Variants in FBXO41 observed in about 807,000 individuals in gnomAD.
FBXO41 encodes F-box protein 41.
A neutral mutation model predicts 81.6 loss-of-function variants in FBXO41; 33 were observed. The observed-to-expected ratio is 0.40, with a 90% CI of 0.31 to 0.54. The LOEUF (loss-of-function observed/expected upper bound fraction) is 0.54, where lower values mean the gene tolerates loss of function less well. Ranked by LOEUF, FBXO41 falls within the 20% of genes least tolerant of loss-of-function variation. FBXO41 has a pLI of 0.39. For synonymous variants in FBXO41, 576 were observed against 552.7 expected (o/e 1.04, Z -0.59); for missense variants, 1,107 against 1,236.0 (o/e 0.90, Z 1.56).
intron 1 of FBXO41, among the ~76,000 whole-genome samples, chr2:73,278,882 T>C (rs1688771345): frequency 6.6e-6 from 1 of 152,204 alleles, no homozygotes; most frequent in African/African-American, 2.4e-5. Context: ...ACATTGTATA[T>C]CTCAATCACT....
At chr2:73,281,050 T>C (rs941719977) in intron 1 of FBXO41, among the ~76,000 whole-genome samples, 2 of 152,174 alleles carry the variant, frequency 1.3e-5, no homozygotes, top group African/African-American at 4.8e-5. Context: ...GAGCTTGCTG[T>C]GTCTTCTCAA....
At position 73,260,337 on chromosome 2, in the gene FBXO41, G is replaced by A. The variant is rs1687961019; in HGVS notation, c.2449+52C>T. The A allele has an allele frequency of 3.8e-6, 6 of 1,572,662 alleles. No individual in the cohort carries two copies. The highest frequency in any genetic ancestry group is 2.3e-5 in the South Asian group (2 of 86,046). On this transcript the variant is annotated intron_variant, in intron 11 of 12. Transcript: ENST00000520530. This position sits in a 1 kb window ranked among gnomAD's most constrained non-coding sequence, Gnocchi z 5.0. ...GATAGTTAGGATACCTGCTGACAGG[G>A]CCCCGTGGCAGGTGATAGTCGTACC...
intron 1 of FBXO41, among the ~76,000 whole-genome samples, chr2:73,278,798 T>G (rs1356440207): frequency 6.6e-6 from 1 of 152,154 alleles, no homozygotes; most frequent in Non-Finnish European, 1.5e-5. Context: ...TGAAACAGCA[T>G]GTATAAGGGC....
In FBXO41 at chr2:73,258,742, G is replaced by A; in HGVS notation, c.*240C>T. The A allele has an allele frequency of 1.3e-5, 6 of 475,250 alleles. No homozygotes were observed. Among genetic ancestry groups the A allele is most frequent in the Non-Finnish European group, 2.2e-5 (6 of 270,356 alleles). 29.4% of individuals were successfully genotyped at this position (475,250 alleles called of 1,614,324 possible). On this transcript the variant is annotated 3_prime_UTR_variant, in exon 13 of 13. Transcript: ENST00000520530. ...CTGTGCCAGAGGCTACTCCAGCCGG[G>A]GTAGGGTGGGGGTCGGAGGGCAGCT...
chr2:73,275,498 ACCCAGCTAGAAATTT>A (rs1478956626), intron 1 of FBXO41, among the ~76,000 whole-genome samples: 1 of 152,012 alleles, frequency 6.6e-6, no homozygotes, highest in Non-Finnish European at 1.5e-5. Context: ...GCATTTTATA[ACCCAGCTAGAAATTT>A]TTGGTGTGCA....
chr2:73,268,700 T>C, intron 2 of FBXO41, 26 bp downstream of exon 2: 1 of 1,496,686 alleles, frequency 6.7e-7, no homozygotes, highest in Non-Finnish European at 9.0e-7. Context: ...GCACAACCAC[T>C]CACAGGGCCC....
Position 73,265,344 on chromosome 2 carries a change from G to T in FBXO41, c.1502C>A (p.Pro501Gln), listed in dbSNP as rs769178187. 5.6e-6 allele frequency: 9 copies of T among 1,611,854 alleles called. No homozygotes were observed. The highest frequency in any genetic ancestry group is 6.8e-6 in the Non-Finnish European group (8 of 1,179,746). Residue 501 changes from proline to glutamine, a missense_variant, in exon 5 of 13, where the codon CCG becomes CAG. Transcript: ENST00000520530. ...SRTTESEAEG[P>Q]LDAPRPGPAM... ...AGGCCCGGGGCGGGGCGCATCCAAC[G>T]GGCCCTCAGCCTCTGACTCAGTGGT...
At chr2:73,265,797 G>A in intron 4 of FBXO41, 96 bp downstream of exon 4, 1 of 1,471,922 alleles carries the variant, frequency 6.8e-7, no homozygotes. Context: ...ACCCAGGGAG[G>A]GTAGGGGCAG....
At chr2:73,275,432 C>T (rs1688658149) in intron 1 of FBXO41, among the ~76,000 whole-genome samples, 1 of 152,188 alleles carries the variant, frequency 6.6e-6, no homozygotes, top group Non-Finnish European at 1.5e-5. Flanking sequence ...ATCTGCCCAC[C>T]TTGGCCTGCC....
Position 73,264,249 on chromosome 2 carries a change from G to A in FBXO41, c.1806+29C>T, listed in dbSNP as rs1558582581. ...CAGGGGGAAAGGTGGGTTCACAGCAGGGCACAGAAGGCAGGCAGGGGCAGG... is the reference window on the plus strand; with the variant it reads ...CAGGGGGAAAGGTGGGTTCACAGCAAGGCACAGAAGGCAGGCAGGGGCAGG... On this transcript the variant is annotated intron_variant, in intron 6 of 12. Coordinates refer to ENST00000520530, the MANE Select transcript of FBXO41 (RefSeq NM_001371389.2). The A allele has an allele frequency of 3.7e-6, 6 of 1,612,742 alleles. No individual in the cohort carries two copies. The South Asian group carries it at 6.6e-5, about 18-fold the overall frequency.
At position 73,283,307 on chromosome 2, in the gene FBXO41, C is replaced by T. The variant is rs74554692; in HGVS notation, c.-139+853G>A. On this transcript the variant is annotated intron_variant, in intron 1 of 12. Transcript: ENST00000520530. ...ACATGTATACCTCCCAGAGTAGTCA[C>T]TCCAGCCTGGCGAAGACCCTCAGGG... Among the ~76,000 whole-genome samples, 249 of 152,324 alleles carry T rather than the reference C, an allele frequency of 1.6e-3. 3 individuals are homozygous for T. Among genetic ancestry groups the T allele is most frequent in the African/African-American group, 5.9e-3 (247 of 41,572 alleles).
Position 73,255,541 on chromosome 2 carries a change from G to C in FBXO41, c.*3441C>G, listed in dbSNP as rs1187520784. On this transcript the variant is annotated 3_prime_UTR_variant, in exon 13 of 13. Transcript: ENST00000520530. ...TGACAGGCTGGGACAGGTCCCATGG[G>C]TTCGAGTTAACTTCTCTGGGCATTT... is the stretch of plus-strand genomic sequence containing the variant. 1 of 152,662 alleles carries C rather than the reference G, an allele frequency of 6.6e-6. No homozygotes were observed. Among genetic ancestry groups the C allele is most frequent in the Non-Finnish European group, 1.5e-5 (1 of 68,066 alleles). The allele number at this position is 152,662 out of a possible 1,614,324, so 9.5% of individuals were successfully genotyped here.
chr2:73,263,825 C>G lies in FBXO41; in HGVS notation c.1928G>C (p.Cys643Ser). Residue 643 changes from cysteine to serine, a missense_variant, in exon 8 of 13, where the codon TGC becomes TCC. Physicochemically the swap from Cys to Ser is moderately radical, Grantham distance 112. This residue lies in a region of FBXO41 where 336 missense variants were observed against 446.7 expected (regional missense o/e 0.75). Transcript: ENST00000520530. ...KEEYARSTRG[C>S]LEAGLESLLK... ...CAGGGACTCCAGCCCAGCTTCCAGG[C>G]AGCCCCTGGGGATGACCAAGAGGTC... The G allele has an allele frequency of 6.2e-7, 1 of 1,614,060 alleles. No individual in the cohort carries two copies.
At chr2:73,272,682 C>T (rs1688575719) in intron 1 of FBXO41, among the ~76,000 whole-genome samples, 1 of 152,234 alleles carries the variant, frequency 6.6e-6, no homozygotes, top group East Asian at 1.9e-4. Flanking sequence ...GAACCAAGGG[C>T]TCCTGGGATG....
rs1687933062 is a variant in FBXO41 at position 73,259,563 on chromosome 2, AG to A, written c.2450-268del. Among the ~76,000 whole-genome samples, 1 of 152,046 alleles carries A rather than the reference AG, an allele frequency of 6.6e-6. No individual in the cohort carries two copies. Among genetic ancestry groups the A allele is most frequent in the Non-Finnish European group, 1.5e-5 (1 of 68,022 alleles). On this transcript the variant is annotated intron_variant, in intron 11 of 12. Coordinates refer to ENST00000520530, the MANE Select transcript of FBXO41 (RefSeq NM_001371389.2). This position sits in a 1 kb window ranked among gnomAD's most constrained non-coding sequence, Gnocchi z 4.2. Reference sequence around the variant, plus strand: ...AAGCCTCTAGGAACTTCCCTGACACAGGGGGCAGCTATACCATGGTCTGGGC... The same window carrying A: ...AAGCCTCTAGGAACTTCCCTGACACAGGGGCAGCTATACCATGGTCTGGGC...
At chr2:73,271,307 C>T (rs1336145301) in intron 1 of FBXO41, 1 of 254,552 alleles carries the variant, frequency 3.9e-6, no homozygotes, top group Non-Finnish European at 7.8e-6. Flanking sequence ...TCCCCACTTT[C>T]TCAGTCCACA....
Position 73,259,193 on chromosome 2 carries a change from C to T in FBXO41, c.2553G>A (p.Val851=). The T allele has an allele frequency of 1.2e-6, 2 of 1,614,008 alleles. No homozygotes were observed. Among genetic ancestry groups the T allele is most frequent in the South Asian group, 1.1e-5 (1 of 91,082 alleles). ...PEAQKLFEDM[V]TKLQALRRRP... is the part of the protein sequence containing the mutation. ...GCTGACCCCTCACCTGGAGTTTTGT[C>T]ACCATGTCCTCAAACAGCTTCTGGG... The change falls in exon 12 of 13, where the codon GTG becomes GTA. Residue 851 remains valine, a synonymous_variant. Transcript: ENST00000520530. This position sits in a 1 kb window ranked among gnomAD's most constrained non-coding sequence, Gnocchi z 4.2.
intron 2 of FBXO41, among the ~76,000 whole-genome samples, chr2:73,267,643 T>C (rs1415804582): frequency 6.6e-6 from 1 of 152,230 alleles, no homozygotes; most frequent in East Asian, 1.9e-4. Flanking sequence ...CTCCTTGGCT[T>C]ACAATGGGGA....
In FBXO41 at chr2:73,266,464, C is replaced by A; in HGVS notation, c.1124G>T (p.Gly375Val). 6.6e-7 allele frequency: 1 copy of A among 1,511,430 alleles called. No homozygotes were observed. Among genetic ancestry groups the A allele is most frequent in the Non-Finnish European group, 8.9e-7 (1 of 1,122,892 alleles). 93.6% of individuals were successfully genotyped at this position (1,511,430 alleles called of 1,614,324 possible). The change falls in exon 3 of 13, where the codon GGC becomes GTC. Residue 375 changes from glycine (G) to valine (V), a missense_variant. Physicochemically the swap from Gly to Val is moderately radical, Grantham distance 109. Around this residue, in one of 2 missense-constraint regions of FBXO41, gnomAD observed 771 missense variants for 789.2 expected, o/e 0.98. Coordinates refer to ENST00000520530, the MANE Select transcript of FBXO41 (RefSeq NM_001371389.2). This position sits in a 1 kb window ranked among gnomAD's most constrained non-coding sequence, Gnocchi z 5.3. ...GGAGPNARGP[G>V]RMREHHVGPA... ...AGGCAGGTGGGCACTCACCATTCTG[C>A]CTGGGCCCCGGGCATTGGGTCCAGC...
Sources: allele counts gnomAD v4.1 joint callset (sites outside exome capture counted in the v4.1 genomes callset), GRCh38; gene constraint gnomAD v4.1.1; regional missense constraint gnomAD v4.1.1; non-coding constraint Gnocchi (gnomAD v3.1); transcripts MANE v1.5; gene names NCBI Gene and HGNC (gene_info 2026-07-23, HGNC 2026-07-21).